ZMIZ1: variants seen among roughly 807,000 people sequenced by gnomAD.
ZMIZ1 encodes zinc finger MIZ domain-containing protein 1.
In ZMIZ1, 17 loss-of-function variants were observed where a neutral mutation model predicts 113.9. That is an observed-to-expected ratio of 0.15 (90% CI 0.10 to 0.22). The LOEUF (loss-of-function observed/expected upper bound fraction) is 0.22, where lower values mean the gene tolerates loss of function less well. Among genes scored for constraint, ZMIZ1 ranks in the 10% least tolerant of loss-of-function variants. The pLI is 1.00. For synonymous variants in ZMIZ1, 607 were observed against 603.1 expected (o/e 1.01, Z -0.09); for missense variants, 1,059 against 1,477.8 (o/e 0.72, Z 4.65).
intron 4 of ZMIZ1, among the ~76,000 whole-genome samples, chr10:79,175,518 G>C (rs1326224588): frequency 6.7e-6 from 1 of 149,908 alleles, no homozygotes; most frequent in African/African-American, 2.4e-5. Context: ...TCTATCGCTG[G>C]GTTGGGCTGG....
At chr10:79,132,777 G>T (rs1312056404) in intron 2 of ZMIZ1, among the ~76,000 whole-genome samples, 1 of 152,216 alleles carries the variant, frequency 6.6e-6, no homozygotes, top group East Asian at 1.9e-4. Context: ...TGGGGTGGGG[G>T]CAGGGCCAGG....
At chr10:79,204,470 G>GCCCTTCTGAGCATCTGTAC (rs1238763488) in intron 5 of ZMIZ1, among the ~76,000 whole-genome samples, 1 of 152,180 alleles carries the variant, frequency 6.6e-6, no homozygotes, top group African/African-American at 2.4e-5. Context: ...AACCCCAGGG[G>GCCCTTCTGAGCATCTGTAC]CCCTTCTGAG....
intron 6 of ZMIZ1, among the ~76,000 whole-genome samples, chr10:79,213,013 A>T (rs986235411): frequency 5.3e-5 from 8 of 152,202 alleles, no homozygotes; most frequent in Admixed American, 4.6e-4. Flanking sequence ...GGCAGCCAGG[A>T]TGACAGGGCA....
At chr10:79,187,939 G>A (rs4979850) in intron 4 of ZMIZ1, among the ~76,000 whole-genome samples, 25,962 of 152,174 alleles carry the variant, frequency 0.17, 2,384 homozygotes, top group South Asian at 0.3. Context: ...AAGTCTGATA[G>A]ATCTGGGTTT....
chr10:79,147,893 G>A lies in ZMIZ1; in HGVS notation c.-131+8116G>A, dbSNP rs12569663. Among the ~76,000 whole-genome samples the A allele has an allele frequency of 2.6e-3, 401 of 152,314 alleles. 17 individuals carry two copies. The East Asian group carries it at 0.069, about 26-fold the overall frequency. The stretch of plus-strand genomic sequence containing the variant: ...GGCAGAACACAGAGGCCCTGGGCTC[G>A]GACACCTGGGGGCCTTCTCCTAGCC... On this transcript the variant is annotated intron_variant, in intron 3 of 24. Coordinates refer to ENST00000334512, the MANE Select transcript of ZMIZ1 (RefSeq NM_020338.4).
chr10:79,270,079 A>AG (rs1232473789), intron 7 of ZMIZ1, among the ~76,000 whole-genome samples: 1 of 152,222 alleles, frequency 6.6e-6, no homozygotes, highest in Non-Finnish European at 1.5e-5. Context: ...CTACAGGTAC[A>AG]GGGGCAAATA....
chr10:79,093,017 G>C (rs925259746), intron 1 of ZMIZ1, among the ~76,000 whole-genome samples: 1 of 151,732 alleles, frequency 6.6e-6, no homozygotes, highest in South Asian at 2.1e-4. Flanking sequence ...GAGGTTCCTG[G>C]GGGTTCAAAG....
At position 79,296,737 on chromosome 10, in the gene ZMIZ1, C is replaced by G; in HGVS notation, c.1413+84C>G. ...CCTAACTCCACCGGGATCACTCTGACCCTGCGTGTGTTTGCCCCAAGGACA... is the reference window on the plus strand; with the variant it reads ...CCTAACTCCACCGGGATCACTCTGAGCCTGCGTGTGTTTGCCCCAAGGACA... On this transcript the variant is annotated intron_variant, in intron 13 of 24. Transcript: ENST00000334512. The surrounding 1 kb of genome is among the most constrained non-coding windows in gnomAD (Gnocchi z 4.1). 7.3e-7 allele frequency: 1 copy of G among 1,364,922 alleles called. No individual in the cohort carries two copies. The highest frequency in any genetic ancestry group is 9.8e-7 in the Non-Finnish European group (1 of 1,015,282). 84.6% of individuals were successfully genotyped at this position (1,364,922 alleles called of 1,614,324 possible).
At chr10:79,292,678 G>A (rs1853574653) in intron 11 of ZMIZ1, 1 of 488,196 alleles carries the variant, frequency 2.0e-6, no homozygotes, top group Non-Finnish European at 4.0e-6. Context: ...AACTCACCAA[G>A]GAGTGGGCTC....
rs16937051 is a variant in ZMIZ1 at position 79,264,507 on chromosome 10, A to G, written c.281-12674A>G. 0.018 allele frequency among the ~76,000 whole-genome samples: 2,776 copies of G among 152,024 alleles called. 140 individuals carry two copies. In the East Asian group the frequency reaches 0.19, roughly 11 times the overall value. On this transcript the variant is annotated intron_variant, in intron 7 of 24. Coordinates refer to ENST00000334512, the MANE Select transcript of ZMIZ1 (RefSeq NM_020338.4). ...TGCTATTAGTGCTACCTAATTTCCT[A>G]CTGAGGTGGTCTAGAGCTCCTCCGC...
intron 7 of ZMIZ1, among the ~76,000 whole-genome samples, chr10:79,270,676 G>C (rs12255939): frequency 0.18 from 27,582 of 152,152 alleles, 4,284 homozygotes; most frequent in African/African-American, 0.42. Context: ...TAGGCAACAG[G>C]AGCATGAGGT....
At position 79,201,572 on chromosome 10, in the gene ZMIZ1, T is replaced by G; in HGVS notation, c.-49-12T>G. The stretch of plus-strand genomic sequence containing the variant: ...GCGTGATCCAGTGACAACCTCTCCT[T>G]TCTCTTCGCAGGCTGGACAACGTTC... On this transcript the variant is annotated splice_polypyrimidine_tract_variant and intron_variant, in intron 4 of 24. Coordinates refer to ENST00000334512, the MANE Select transcript of ZMIZ1 (RefSeq NM_020338.4). 5 of 1,597,850 alleles carry G rather than the reference T, an allele frequency of 3.1e-6. No homozygotes were observed. The highest frequency in any genetic ancestry group is 3.4e-6 in the Non-Finnish European group (4 of 1,168,848).
intron 4 of ZMIZ1, among the ~76,000 whole-genome samples, chr10:79,185,813 C>T (rs1439921533): frequency 9.7e-5 from 1 of 10,340 alleles, no homozygotes; most frequent in East Asian, 8.9e-3. Context: ...GAAAAGAATC[C>T]CCCTGGAATA....
intron 7 of ZMIZ1, among the ~76,000 whole-genome samples, chr10:79,221,397 G>GGCGCAGCCTTTAGCCTCAGA (rs1163248131): frequency 2.0e-5 from 3 of 152,216 alleles, no homozygotes; most frequent in Non-Finnish European, 4.4e-5. Context: ...TCTTTGTTCT[G>GGCGCAGCCTTTAGCCTCAGA]GCGCAGCCTT....
intron 4 of ZMIZ1, among the ~76,000 whole-genome samples, chr10:79,163,067 T>A (rs996595324): frequency 2.0e-5 from 3 of 152,260 alleles, no homozygotes; most frequent in African/African-American, 7.2e-5. Context: ...TTGGCAACTC[T>A]CAACCTAGAG....
Position 79,312,696 on chromosome 10 carries a change from G to A in ZMIZ1, c.3151G>A (p.Asp1051Asn), listed in dbSNP as rs1022400859. 2.5e-6 allele frequency: 4 copies of A among 1,614,158 alleles called. No individual in the cohort carries two copies. Among genetic ancestry groups the A allele is most frequent in the Middle Eastern group, 3.3e-4 (2 of 6,062 alleles). The change falls in exon 25 of 25, where the codon GAC becomes AAC. Residue 1051 changes from aspartate to asparagine, a missense_variant. Physicochemically the swap from Asp to Asn is conservative, Grantham distance 23. Around this residue, in one of 6 missense-constraint regions of ZMIZ1, gnomAD observed 225 missense variants for 276.0 expected, o/e 0.82. Coordinates refer to ENST00000334512, the MANE Select transcript of ZMIZ1 (RefSeq NM_020338.4). Reference protein sequence around the residue: ...DELLSYLDPPDLPSNSNDDLL... With the variant: ...DELLSYLDPPNLPSNSNDDLL... Reference sequence around the variant, plus strand: ...GCTCCTGTCTTATCTGGACCCCCCCGACCTGCCGAGCAATAGTAACGATGA... The same window carrying A: ...GCTCCTGTCTTATCTGGACCCCCCCAACCTGCCGAGCAATAGTAACGATGA...
At chr10:79,242,074 G>T (rs373221706) in intron 7 of ZMIZ1, among the ~76,000 whole-genome samples, 5 of 152,150 alleles carry the variant, frequency 3.3e-5, no homozygotes, top group Non-Finnish European at 7.3e-5. Flanking sequence ...CTCCCGAGGG[G>T]GTAATGATGA....
intron 2 of ZMIZ1, among the ~76,000 whole-genome samples, chr10:79,138,376 A>G (rs1469236113): frequency 6.6e-6 from 1 of 152,164 alleles, no homozygotes; most frequent in Non-Finnish European, 1.5e-5. Flanking sequence ...GCCTGACCGG[A>G]GGGGCAGAGT....
Position 79,280,352 on chromosome 10 carries a change from G to T in ZMIZ1, c.425+3027G>T, listed in dbSNP as rs1471630670. Among the ~76,000 whole-genome samples the T allele has an allele frequency of 3.3e-5, 5 of 152,128 alleles. No homozygotes were observed. The East Asian group carries it at 9.6e-4, about 29-fold the overall frequency. ...TGCAGTGGCACTATCATAGCTCACTGCAGCCTCGACCTCCTTGGCTCAAGC... is the reference window on the plus strand; with the variant it reads ...TGCAGTGGCACTATCATAGCTCACTTCAGCCTCGACCTCCTTGGCTCAAGC... On this transcript the variant is annotated intron_variant, in intron 8 of 24. Transcript: ENST00000334512.
Sources: gnomAD v4.1 joint callset for allele counts (sites outside exome capture counted in the v4.1 genomes callset) on GRCh38, gnomAD v4.1.1 for gene constraint, gnomAD v4.1.1 regional missense constraint, Gnocchi (gnomAD v3.1) non-coding constraint, MANE v1.5 for transcripts, NCBI Gene and HGNC (gene_info 2026-07-23, HGNC 2026-07-21) for gene names.